The following SUPT3H variants were observed in gnomAD, a reference collection of about 807,000 sequenced individuals.
SUPT3H encodes the protein SPT3 homolog, SAGA and STAGA complex component, also known as transcription initiation protein SPT3 homolog.
Under a neutral mutation model 44.3 loss-of-function variants are expected in SUPT3H, and 44 were observed. The ratio of observed to expected loss-of-function variants is 0.99; its 90% CI spans 0.78 to 1.28. SUPT3H has a LOEUF of 1.28. Among genes scored for constraint, SUPT3H ranks in the 50% most tolerant of loss-of-function variants. SUPT3H has a pLI of 0.00. For missense variants in SUPT3H, 380 were observed against 387.1 expected (o/e 0.98, Z 0.15); for synonymous variants, 124 against 125.6 (o/e 0.99, Z 0.09).
At chr6:44,962,499 G>C (rs1362242408) in intron 6 of SUPT3H, among the ~76,000 whole-genome samples, 2 of 151,806 alleles carry the variant, frequency 1.3e-5, no homozygotes, top group East Asian at 1.9e-4. Flanking sequence ...TTGGTAAGGA[G>C]AGCATTTTGA....
At chr6:44,886,208 G>A (rs1762262314) in intron 10 of SUPT3H, among the ~76,000 whole-genome samples, 1 of 152,176 alleles carries the variant, frequency 6.6e-6, no homozygotes. Context: ...ATATTATCCA[G>A]GAGAACTTCC....
At chr6:44,836,988 T>C (rs1434908410) in intron 10 of SUPT3H, among the ~76,000 whole-genome samples, 1 of 152,158 alleles carries the variant, frequency 6.6e-6, no homozygotes, top group Admixed American at 6.5e-5. Flanking sequence ...CAAACACATA[T>C]AAGTAAACAT....
intron 2 of SUPT3H, among the ~76,000 whole-genome samples, chr6:45,154,619 T>C (rs1807508105): frequency 6.6e-6 from 1 of 152,214 alleles, no homozygotes; most frequent in South Asian, 2.1e-4. Flanking sequence ...CTCACCTTCC[T>C]GCTCCTTGAC....
chr6:45,136,264 G>A (rs973288502), intron 2 of SUPT3H, among the ~76,000 whole-genome samples: 2 of 152,018 alleles, frequency 1.3e-5, no homozygotes, highest in African/African-American at 4.8e-5. Context: ...ATAAAACAGA[G>A]ACATCAGTGG....
rs143152390 is a variant in SUPT3H at position 44,978,514 on chromosome 6, A to G, written c.505-16686T>C. Among the ~76,000 whole-genome samples, 220 of 152,346 alleles carry G rather than the reference A, an allele frequency of 1.4e-3. 1 individual carries two copies. The highest frequency in any genetic ancestry group is 5.0e-3 in the African/African-American group (207 of 41,584). On this transcript the variant is annotated intron_variant, in intron 6 of 10. Coordinates refer to ENST00000371459, the MANE Select transcript of SUPT3H (RefSeq NM_003599.4). ...ACTACAAACAGTTTGGTAAAAGATA[A>G]AAACTGTCATTCTATAATAAAGAAA...
intron 3 of SUPT3H, chr6:45,098,540 T>G: frequency 3.5e-6 from 1 of 282,558 alleles, no homozygotes; most frequent in Non-Finnish European, 7.0e-6. Flanking sequence ...AAGGAGAGTA[T>G]AAGAGAGGAG....
intron 10 of SUPT3H, among the ~76,000 whole-genome samples, chr6:44,849,576 C>T (rs181257441): frequency 1.3e-5 from 2 of 152,222 alleles, no homozygotes; most frequent in African/African-American, 4.8e-5. Flanking sequence ...TCATGAGGAT[C>T]TGGAGAAAGG....
intron 2 of SUPT3H, among the ~76,000 whole-genome samples, chr6:45,188,357 G>C (rs1421511731): frequency 6.6e-6 from 1 of 152,194 alleles, no homozygotes; most frequent in African/African-American, 2.4e-5. Context: ...AAAGGAAAAA[G>C]ATTTTCTTGC....
At chr6:45,326,652 T>A (rs1438016657) in intron 2 of SUPT3H, among the ~76,000 whole-genome samples, 2 of 151,972 alleles carry the variant, frequency 1.3e-5, no homozygotes, top group African/African-American at 4.8e-5. Flanking sequence ...ATCATTCCCA[T>A]ACCCTACCAG....
At chr6:45,034,212 G>A (rs556572336) in intron 3 of SUPT3H, among the ~76,000 whole-genome samples, 26 of 152,076 alleles carry the variant, frequency 1.7e-4, no homozygotes, top group African/African-American at 6.3e-4. Flanking sequence ...GATTAAGGGG[G>A]AATTAGCTGT....
At chr6:44,819,103 TGTA>T (rs1309038566) in intron 11 of SUPT3H, among the ~76,000 whole-genome samples, 1 of 152,104 alleles carries the variant, frequency 6.6e-6, no homozygotes, top group African/African-American at 2.4e-5. Context: ...ATGAACAAAT[TGTA>T]GTGCATCCAT....
intron 9 of SUPT3H, among the ~76,000 whole-genome samples, chr6:44,950,517 C>T (rs1244442840): frequency 2.0e-5 from 3 of 152,156 alleles, no homozygotes; most frequent in Non-Finnish European, 1.5e-5. Flanking sequence ...AAGGATGAGG[C>T]AGAGAGATGG....
At chr6:45,371,981 G>A (rs760889279) in intron 1 of SUPT3H, 24 of 863,876 alleles carry the variant, frequency 2.8e-5, no homozygotes, top group African/African-American at 7.3e-5. Flanking sequence ...GAGGTCCCCC[G>A]ACACCTGGTC....
intron 9 of SUPT3H, among the ~76,000 whole-genome samples, chr6:44,945,978 A>G (rs1773279134): frequency 6.6e-6 from 1 of 152,184 alleles, no homozygotes; most frequent in South Asian, 2.1e-4. Context: ...GGGCTCATGC[A>G]GCTGGTGATT....
intron 5 of SUPT3H, among the ~76,000 whole-genome samples, chr6:45,013,153 G>A (rs1194119349): frequency 6.6e-6 from 1 of 152,008 alleles, no homozygotes; most frequent in African/African-American, 2.4e-5. Context: ...GGGCCCCTGT[G>A]AAATGTTGCC....
chr6:45,182,638 T>C (rs1813487561), intron 2 of SUPT3H, among the ~76,000 whole-genome samples: 1 of 152,230 alleles, frequency 6.6e-6, no homozygotes, highest in Non-Finnish European at 1.5e-5. Context: ...TAAGTTGTAA[T>C]TCCTATATGG....
At chr6:44,951,249 T>C (rs1159874440) in intron 9 of SUPT3H, among the ~76,000 whole-genome samples, 1 of 151,956 alleles carries the variant, frequency 6.6e-6, no homozygotes, top group East Asian at 1.9e-4. Context: ...TTTTTTTTTT[T>C]TTTAAACTTC....
At chr6:45,329,112 A>G (rs1786945955) in intron 2 of SUPT3H, among the ~76,000 whole-genome samples, 1 of 151,994 alleles carries the variant, frequency 6.6e-6, no homozygotes, top group Non-Finnish European at 1.5e-5. Flanking sequence ...CCAGAAGAAA[A>G]GTCAGATCCT....
intron 3 of SUPT3H, among the ~76,000 whole-genome samples, chr6:45,083,532 G>C (rs972415014): frequency 6.6e-6 from 1 of 151,894 alleles, no homozygotes; most frequent in Non-Finnish European, 1.5e-5. Context: ...TTAAAGCAGG[G>C]TACAGATTCA....
Sources: gnomAD v4.1 joint callset for allele counts (sites outside exome capture counted in the v4.1 genomes callset) on GRCh38, gnomAD v4.1.1 for gene constraint, MANE v1.5 for transcripts, NCBI Gene and HGNC (gene_info 2026-07-23, HGNC 2026-07-21) for gene names.